Variants in BICC1 observed in about 807,000 individuals in gnomAD.
The protein encoded by BICC1 is protein bicaudal C homolog 1.
In BICC1, 43 loss-of-function variants were observed where a neutral mutation model predicts 111.0. The ratio of observed to expected loss-of-function variants is 0.39; its 90% CI spans 0.30 to 0.50. The LOEUF (loss-of-function observed/expected upper bound fraction) is 0.50, where lower values mean the gene tolerates loss of function less well. Ranked by LOEUF, BICC1 falls within the 20% of genes least tolerant of loss-of-function variation. BICC1 has a pLI of 0.88. For missense variants in BICC1, 1,091 were observed against 1,203.2 expected (o/e 0.91, Z 1.38); for synonymous variants, 467 against 434.4 (o/e 1.07, Z -0.93).
intron 3 of BICC1, among the ~76,000 whole-genome samples, chr10:58,706,030 C>T (rs1482516598): frequency 1.3e-5 from 2 of 152,174 alleles, no homozygotes; most frequent in African/African-American, 4.8e-5. Flanking sequence ...TCTTCTGTAT[C>T]ACGTAAATTT....
intron 3 of BICC1, among the ~76,000 whole-genome samples, chr10:58,752,507 G>C (rs1004020556): frequency 6.6e-6 from 1 of 152,122 alleles, no homozygotes; most frequent in East Asian, 1.9e-4. Context: ...TCAATAATGG[G>C]TGAAGAGAGA....
chr10:58,532,418 C>T (rs976780764), intron 1 of BICC1, among the ~76,000 whole-genome samples: 1 of 151,636 alleles, frequency 6.6e-6, no homozygotes, highest in Non-Finnish European at 1.5e-5. Flanking sequence ...ATGTATTCTG[C>T]TATTACTGAG....
chr10:58,809,098 C>T (rs920827723), intron 17 of BICC1, among the ~76,000 whole-genome samples: 1 of 152,168 alleles, frequency 6.6e-6, no homozygotes, highest in Admixed American at 6.5e-5. Context: ...TCTCGCCTCA[C>T]TGCAACCTGT....
chr10:58,794,465 C>T (rs972700976), intron 9 of BICC1, among the ~76,000 whole-genome samples: 2 of 150,554 alleles, frequency 1.3e-5, no homozygotes, highest in Admixed American at 6.6e-5. Flanking sequence ...ATCACCAAGG[C>T]TGGAGTACAG....
chr10:58,687,843 G>C lies in BICC1; in HGVS notation c.238-14231G>C, dbSNP rs138099862. 6.2e-3 allele frequency among the ~76,000 whole-genome samples: 938 copies of C among 152,074 alleles called. 12 individuals are homozygous for C. The highest frequency in any genetic ancestry group is 0.021 in the African/African-American group (876 of 41,536). ...CTGGGTGAGGCAATGCCCCACTCTG[G>C]TCCGTGGGCTGCACCCACTGTCCGA... On this transcript the variant is annotated intron_variant, in intron 2 of 20. Coordinates refer to ENST00000373886, the MANE Select transcript of BICC1 (RefSeq NM_001080512.3).
At chr10:58,732,899 A>C (rs1841360099) in intron 3 of BICC1, among the ~76,000 whole-genome samples, 1 of 152,194 alleles carries the variant, frequency 6.6e-6, no homozygotes, top group African/African-American at 2.4e-5. Context: ...ATAATGGAAA[A>C]GTTTGAAATA....
intron 3 of BICC1, among the ~76,000 whole-genome samples, chr10:58,728,312 A>G (rs958272149): frequency 6.6e-6 from 1 of 152,164 alleles, no homozygotes; most frequent in African/African-American, 2.4e-5. Context: ...TTTTCATTTC[A>G]ACAATCTTTG....
At chr10:58,684,090 G>A (rs140566203) in intron 2 of BICC1, among the ~76,000 whole-genome samples, 2,063 of 152,290 alleles carry the variant, frequency 0.014, 47 homozygotes, top group African/African-American at 0.045. Context: ...ATGAAGCGCT[G>A]TTGAATTTCG....
chr10:58,571,334 C>T (rs1326394647), intron 1 of BICC1, among the ~76,000 whole-genome samples: 1 of 151,984 alleles, frequency 6.6e-6, no homozygotes, highest in Non-Finnish European at 1.5e-5. Flanking sequence ...TTTTTATTTC[C>T]AACTTTTATT....
At chr10:58,563,197 A>G (rs1227008947) in intron 1 of BICC1, among the ~76,000 whole-genome samples, 1 of 152,074 alleles carries the variant, frequency 6.6e-6, no homozygotes, top group Non-Finnish European at 1.5e-5. Flanking sequence ...CCCCAGGGAA[A>G]GATGCACTCT....
At chr10:58,814,190 T>A in intron 18 of BICC1, 1 of 666,624 alleles carries the variant, frequency 1.5e-6, no homozygotes, top group Non-Finnish European at 2.7e-6. Context: ...TGTGCGTGCT[T>A]TCACTCTAGC....
At chr10:58,650,564 T>A (rs969823271) in intron 2 of BICC1, 3 of 152,112 alleles carry the variant, frequency 2.0e-5, no homozygotes, top group Non-Finnish European at 2.9e-5. Context: ...CTTCAAGGGG[T>A]TGTGCCTATC....
chr10:58,526,671 A>G (rs1328188755), intron 1 of BICC1, among the ~76,000 whole-genome samples: 2 of 152,186 alleles, frequency 1.3e-5, no homozygotes, highest in Non-Finnish European at 2.9e-5. Context: ...GAGTGAGAAC[A>G]TGCGGTGTTT....
intron 3 of BICC1, among the ~76,000 whole-genome samples, chr10:58,752,568 GTCTT>G (rs1386851190): frequency 6.6e-6 from 1 of 152,030 alleles, no homozygotes; most frequent in Non-Finnish European, 1.5e-5. Context: ...CTAGGCTGCT[GTCTT>G]TCTTCTCATT....
chr10:58,642,162 C>A (rs1328138471), intron 2 of BICC1, among the ~76,000 whole-genome samples: 1 of 152,118 alleles, frequency 6.6e-6, no homozygotes, highest in African/African-American at 2.4e-5. Context: ...TTGGTAAGTG[C>A]TGAATACCTG....
intron 11 of BICC1, 75 bp from the exon 12 acceptor site, chr10:58,798,980 AT>A: frequency 2.6e-6 from 3 of 1,155,662 alleles, no homozygotes; most frequent in Non-Finnish European, 2.4e-6. Flanking sequence ...CAAAAATGAT[AT>A]TTTTATTGTT....
At chr10:58,519,283 A>G (rs757844240) in intron 1 of BICC1, among the ~76,000 whole-genome samples, 21 of 152,346 alleles carry the variant, frequency 1.4e-4, no homozygotes, top group Non-Finnish European at 2.4e-4. Context: ...TTGCATTTTT[A>G]TGTGACAAAG....
At chr10:58,609,809 A>G (rs1845356930) in intron 1 of BICC1, among the ~76,000 whole-genome samples, 1 of 152,196 alleles carries the variant, frequency 6.6e-6, no homozygotes, top group South Asian at 2.1e-4. Context: ...TCCTAATTCC[A>G]TTAAACTATG....
intron 3 of BICC1, among the ~76,000 whole-genome samples, chr10:58,773,942 A>G (rs181945662): frequency 1.3e-5 from 2 of 152,344 alleles, no homozygotes; most frequent in Non-Finnish European, 2.9e-5. Context: ...AAAGAGCAGT[A>G]TACCCCCACT....
Sources: gnomAD v4.1 joint callset for allele counts (sites outside exome capture counted in the v4.1 genomes callset) on GRCh38, gnomAD v4.1.1 for gene constraint, MANE v1.5 for transcripts, NCBI Gene and HGNC (gene_info 2026-07-23, HGNC 2026-07-21) for gene names.